NPHS2: variants seen among roughly 807,000 people sequenced by gnomAD.
NPHS2 encodes the protein podocin.
Under a neutral mutation model 37.1 loss-of-function variants are expected in NPHS2, and 36 were observed. The observed-to-expected ratio is 0.97, with a 90% confidence interval of 0.74 to 1.28. The LOEUF is 1.28. Ranked by LOEUF, NPHS2 falls within the 50% of genes most tolerant of loss-of-function variation. NPHS2 has a pLI of 0.00. For synonymous variants in NPHS2, 196 were observed against 189.3 expected (o/e 1.04, Z -0.29); for missense variants, 447 against 488.1 (o/e 0.92, Z 0.79).
At position 179,551,322 on chromosome 1, in the gene NPHS2, G is replaced by A; in HGVS notation, c.1003C>T (p.Pro335Ser). ...HTLQSLSTEKPSTVVLPLPFD... is the reference protein window; with the variant it reads ...HTLQSLSTEKSSTVVLPLPFD... ...GGCAAAGGTAAAACCACAGTGGAAG[G>A]CTTCTCTGTGGACAGAGACTGAAGG... The change falls in exon 8 of 8, where the codon CCT becomes TCT. Residue 335 changes from proline (P) to serine (S), a missense_variant. Physicochemically the swap from Pro to Ser is moderately conservative, Grantham distance 74 (BLOSUM62 -1). Transcript: ENST00000367615. 1 of 1,614,142 alleles carries A rather than the reference G, an allele frequency of 6.2e-7. No individual in the cohort carries two copies. Among genetic ancestry groups the A allele is most frequent in the South Asian group, 1.1e-5 (1 of 91,080 alleles).
intron 4 of NPHS2, among the ~76,000 whole-genome samples, chr1:179,558,537 T>C (rs958959854): frequency 6.6e-6 from 1 of 152,206 alleles, no homozygotes; most frequent in Non-Finnish European, 1.5e-5. Flanking sequence ...AATGCTGTTA[T>C]GAACACAGTT....
chr1:179,554,726 T>C, intron 5 of NPHS2, 195 bp from the exon 6 acceptor site: 1 of 698,040 alleles, frequency 1.4e-6, no homozygotes, highest in Non-Finnish European at 2.5e-6. Context: ...TAAATATCTG[T>C]GCAATTGAAG....
intron 1 of NPHS2, 102 bp downstream of exon 1, chr1:179,575,489 C>T: frequency 6.6e-7 from 1 of 1,509,332 alleles, no homozygotes; most frequent in Non-Finnish European, 9.0e-7. Context: ...CAGCAATCTG[C>T]TCTGGCTTCA....
chr1:179,557,380 A>G, intron 4 of NPHS2, 150 bp from the exon 5 acceptor site: 1 of 677,336 alleles, frequency 1.5e-6, no homozygotes, highest in Non-Finnish European at 2.6e-6. Context: ...CATGTTTTTG[A>G]AAATTATGAA....
At position 179,551,410 on chromosome 1, in the gene NPHS2, C is replaced by T. The variant is rs749023119; in HGVS notation, c.915G>A (p.Leu305=). The part of the protein sequence containing the change: ...AEAEKAASES[L]RMAAEILSGT... ...CTGACAGAATCTCAGCTGCCATCCT[C>T]AGGGACTCAGAAGCAGCCTTTTCCG... The change falls in exon 8 of 8, where the codon CTG becomes CTA. Residue 305 remains leucine, a synonymous_variant. Coordinates refer to ENST00000367615, the MANE Select transcript of NPHS2 (RefSeq NM_014625.4). 1.2e-6 allele frequency: 2 copies of T among 1,614,056 alleles called. No homozygotes were observed. The highest frequency in any genetic ancestry group is 1.7e-6 in the Non-Finnish European group (2 of 1,180,030).
chr1:179,574,128 C>T lies in NPHS2; in HGVS notation c.274+1463G>A, dbSNP rs916004735. On this transcript the variant is annotated intron_variant, in intron 1 of 7. Coordinates refer to ENST00000367615, the MANE Select transcript of NPHS2 (RefSeq NM_014625.4). The stretch of plus-strand genomic sequence containing the variant: ...TCACTTCATCCTTAGTGGGACTGCT[C>T]GCCCATTGCTTGAGGTCTCCTGCTT... 3.9e-5 allele frequency among the ~76,000 whole-genome samples: 6 copies of T among 152,132 alleles called. No homozygotes were observed. The East Asian group carries it at 5.8e-4, about 15-fold the overall frequency.
rs772177001 is a variant in NPHS2 at position 179,551,350 on chromosome 1, G to T, written c.975C>A (p.His325Gln). The T allele has an allele frequency of 1.2e-6, 2 of 1,614,058 alleles. No homozygotes were observed. Among genetic ancestry groups the T allele is most frequent in the Admixed American group, 1.7e-5 (1 of 59,996 alleles). ...TCTCTGTGGACAGAGACTGAAGGGT[G>T]TGGAGGTATCGAAGCTGAACGGCAG... ...TPAAVQLRYLHTLQSLSTEKP... is the reference protein window; with the variant it reads ...TPAAVQLRYLQTLQSLSTEKP... Residue 325 changes from histidine to glutamine, a missense_variant, in exon 8 of 8, where the codon CAC becomes CAA. His to Gln is a conservative substitution (Grantham distance 24, BLOSUM62 0). Coordinates refer to ENST00000367615, the MANE Select transcript of NPHS2 (RefSeq NM_014625.4).
At position 179,575,727 on chromosome 1, in the gene NPHS2, C is replaced by T. The variant is rs1053139144; in HGVS notation, c.138G>A (p.Ser46=). 5.8e-6 allele frequency: 9 copies of T among 1,539,618 alleles called. No individual in the cohort carries two copies. The highest frequency in any genetic ancestry group is 2.4e-5 in the East Asian group (1 of 40,922). The change falls in exon 1 of 8, where the codon TCG becomes TCA. Residue 46 remains serine, a synonymous_variant. Coordinates refer to ENST00000367615, the MANE Select transcript of NPHS2 (RefSeq NM_014625.4). The part of the protein sequence containing the change: ...RGRQEAGPEP[S]GSGRAGTPGE... ...CCGGGGTCCCCGCCCGTCCGGAGCC[C>T]GACGGCTCGGGCCCAGCCTCCTGGC...
chr1:179,561,713 T>C (rs1674143629), intron 2 of NPHS2, among the ~76,000 whole-genome samples: 1 of 152,196 alleles, frequency 6.6e-6, no homozygotes, highest in African/African-American at 2.4e-5. Flanking sequence ...GCTCATTAGC[T>C]ATTTAATGGA....
chr1:179,559,688 A>C lies in NPHS2; in HGVS notation c.525T>G (p.Pro175=), dbSNP rs764558228. The C allele has an allele frequency of 6.3e-7, 1 of 1,584,538 alleles. No individual in the cohort carries two copies. The highest frequency in any genetic ancestry group is 8.6e-7 in the Non-Finnish European group (1 of 1,161,700). Residue 175 remains proline (P), a synonymous_variant, in exon 4 of 8, where the codon CCT becomes CCG. Transcript: ENST00000367615. ...CCATCATTTGGCTTACCTCATGAAA[A>C]GGTATCTCCAGAGTTTGGAGACGAA... ...VDLRLQTLEI[P]FHEIVTKDMF...
chr1:179,566,804 C>T (rs866786614), intron 1 of NPHS2, among the ~76,000 whole-genome samples: 11 of 152,266 alleles, frequency 7.2e-5, no homozygotes, highest in Middle Eastern at 6.8e-3. Flanking sequence ...TTTCCCAGCA[C>T]GATTTATTAA....
Position 179,557,208 on chromosome 1 carries a change from A to G in NPHS2, c.557T>C (p.Ile186Thr). Residue 186 changes from isoleucine (I) to threonine (T), a missense_variant, in exon 5 of 8, where the codon ATA becomes ACA. Ile to Thr is a moderately conservative substitution (Grantham distance 89, BLOSUM62 -1). Coordinates refer to ENST00000367615, the MANE Select transcript of NPHS2 (RefSeq NM_014625.4). ...GTAGCAAATGGCATCTATCTCCATT[A>G]TAAACATGTCTTTGGTCACGATCTA... ...FHEIVTKDMF[I>T]MEIDAICYYR... 1 of 1,614,068 alleles carries G rather than the reference A, an allele frequency of 6.2e-7. No individual in the cohort carries two copies.
In NPHS2 at chr1:179,551,291, T is replaced by C. The variant is rs763910712; in HGVS notation, c.1034A>G (p.Asp345Gly). The stretch of plus-strand genomic sequence containing the variant: ...GGGAGAAGACAGGCAATTCAGTAGG[T>C]CAAATGGCAAAGGTAAAACCACAGT... ...PSTVVLPLPF[D>G]LLNCLSSPSN... Residue 345 changes from aspartate to glycine, a missense_variant, in exon 8 of 8, where the codon GAC (aspartate) becomes GGC (glycine). Asp to Gly is a moderately conservative substitution (Grantham distance 94). Coordinates refer to ENST00000367615, the MANE Select transcript of NPHS2 (RefSeq NM_014625.4). 1 of 1,613,896 alleles carries C rather than the reference T, an allele frequency of 6.2e-7. No homozygotes were observed. Among genetic ancestry groups the C allele is most frequent in the Non-Finnish European group, 8.5e-7 (1 of 1,179,968 alleles).
intron 1 of NPHS2, among the ~76,000 whole-genome samples, chr1:179,571,809 G>A (rs558782054): frequency 7.2e-5 from 11 of 152,302 alleles, no homozygotes; most frequent in South Asian, 6.2e-4. Context: ...CTGCGGCCTC[G>A]CAGATCAATC....
rs752254209 is a variant in NPHS2 at position 179,551,162 on chromosome 1, C to T, written c.*11G>A. On this transcript the variant is annotated 3_prime_UTR_variant, in exon 8 of 8. Transcript: ENST00000367615. ...CAGGCCCCTTTACAGTCACATTATG[C>T]CCCATCCTTCCTATAACATGGGAGA... The T allele has an allele frequency of 3.1e-6, 5 of 1,613,528 alleles. No homozygotes were observed. The highest frequency in any genetic ancestry group is 4.2e-6 in the Non-Finnish European group (5 of 1,179,980).
chr1:179,571,294 T>G (rs1276218965), intron 1 of NPHS2, among the ~76,000 whole-genome samples: 1 of 152,256 alleles, frequency 6.6e-6, no homozygotes, highest in Non-Finnish European at 1.5e-5. Context: ...CCTTTCTGTT[T>G]GTTAGTTTTC....
At chr1:179,563,006 T>G (rs1674202877) in intron 2 of NPHS2, among the ~76,000 whole-genome samples, 1 of 152,184 alleles carries the variant, frequency 6.6e-6, no homozygotes, top group Non-Finnish European at 1.5e-5. Flanking sequence ...TGTTGTATCT[T>G]GTGGCAGTCA....
rs1264742254 is a variant in NPHS2 at position 179,551,210 on chromosome 1, G to A, written c.1115C>T (p.Pro372Leu). ...PFPSPSKPVEPLNPKKKDSPM... is the reference protein window; with the variant it reads ...PFPSPSKPVELLNPKKKDSPM... Reference sequence around the variant, plus strand: ...AGAGTCTTTCTTTTTAGGATTTAGTGGCTCAACAGGTTTGGAAGGACTTGG... The same window carrying A: ...AGAGTCTTTCTTTTTAGGATTTAGTAGCTCAACAGGTTTGGAAGGACTTGG... The change falls in exon 8 of 8, where the codon CCA becomes CTA. Residue 372 changes from proline (P) to leucine (L), a missense_variant. By Grantham distance (98) the Pro-to-Leu change is moderately conservative. Transcript: ENST00000367615. 1.9e-6 allele frequency: 3 copies of A among 1,614,104 alleles called. No individual in the cohort carries two copies. Among genetic ancestry groups the A allele is most frequent in the Middle Eastern group, 1.6e-4 (1 of 6,062 alleles).
intron 1 of NPHS2, among the ~76,000 whole-genome samples, chr1:179,565,117 A>AG (rs1674285796): frequency 1.3e-5 from 2 of 152,034 alleles, no homozygotes; most frequent in Non-Finnish European, 2.9e-5. Flanking sequence ...CAAAAAAAAA[A>AG]TTAAAAACTA....
Sources: gnomAD v4.1 joint callset for allele counts (sites outside exome capture counted in the v4.1 genomes callset) on GRCh38, gnomAD v4.1.1 for gene constraint, MANE v1.5 for transcripts, NCBI Gene and HGNC (gene_info 2026-07-23, HGNC 2026-07-21) for gene names.